The following TEP1 variants were observed in gnomAD, a reference collection of about 807,000 sequenced individuals.
TEP1 encodes the protein telomerase protein component 1.
A neutral mutation model predicts 306.3 loss-of-function variants in TEP1; 241 were observed. The ratio of observed to expected loss-of-function variants is 0.79; its 90% CI spans 0.71 to 0.88. TEP1 has a LOEUF of 0.88. Among genes scored for constraint, TEP1 ranks in the 40% least tolerant of loss-of-function variants. The pLI is 0.00. For synonymous variants in TEP1, 1,289 were observed against 1,305.5 expected, an observed-to-expected ratio of 0.99 and a Z score of 0.27; for missense variants, 3,051 against 3,276.1, an observed-to-expected ratio of 0.93 and a Z score of 1.68.
intron 1 of TEP1, 99 bp from the exon 2 acceptor site, chr14:20,408,562 G>T: frequency 2.1e-6 from 2 of 932,064 alleles, no homozygotes; most frequent in Non-Finnish European, 3.2e-6. Context: ...TAATGCCAAT[G>T]ATTTGTGGGT....
At position 20,385,004 on chromosome 14, in the gene TEP1, G is replaced by A. The variant is rs767272386; in HGVS notation, c.3088C>T (p.Arg1030Trp). The change falls in exon 21 of 55, where the codon CGG becomes TGG. Residue 1030 changes from arginine (R) to tryptophan (W), a missense_variant. By Grantham distance (101) the Arg-to-Trp change is moderately radical (BLOSUM62 -3). Transcript: ENST00000262715. Reference protein sequence around the residue: ...QPSAQALIYFRDSSFLSSVPD... With the variant: ...QPSAQALIYFWDSSFLSSVPD... ...CAGTACCTGAGGAAGCTGGAATCCC[G>A]GAAGTAGATGAGAGCTTGGGCAGAG... is the stretch of plus-strand genomic sequence containing the variant. The A allele has an allele frequency of 1.2e-5, 20 of 1,614,100 alleles. No individual in the cohort carries two copies. The highest frequency in any genetic ancestry group is 4.4e-5 in the South Asian group (4 of 91,086).
chr14:20,400,954 G>A (rs1321174466), intron 9 of TEP1, 30 bp downstream of exon 9: 1 of 1,606,824 alleles, frequency 6.2e-7, no homozygotes, highest in South Asian at 1.1e-5. Flanking sequence ...GGAAGAGAAG[G>A]AGGGAATGTG....
chr14:20,378,887 C>G (rs1885361322), intron 36 of TEP1, 34 bp from the exon 37 acceptor site: 1 of 1,613,648 alleles, frequency 6.2e-7, no homozygotes, highest in Non-Finnish European at 8.5e-7. Flanking sequence ...TCCTCTGGAC[C>G]CTGGCCATCA....
intron 4 of TEP1, 54 bp from the exon 5 acceptor site, chr14:20,404,826 T>G: frequency 6.5e-7 from 1 of 1,538,976 alleles, no homozygotes. Flanking sequence ...CGTAGCTTTC[T>G]GCCCTGAAAT....
chr14:20,400,301 T>C (rs1878567783), intron 9 of TEP1, among the ~76,000 whole-genome samples: 1 of 151,264 alleles, frequency 6.6e-6, no homozygotes, highest in Non-Finnish European at 1.5e-5. Context: ...TGGGTGCGTG[T>C]GTGTGTGTGT....
rs1432389322 is a variant in TEP1 at position 20,373,585 on chromosome 14, T to C, written c.6605-2A>G. ...GAAGCTCTGACCCAGGCTGTCCAGC[T>C]GATAAGACACAGAGACTGAGTCAGA... is the stretch of plus-strand genomic sequence containing the variant. On this transcript the variant is annotated splice_acceptor_variant, in intron 45 of 54. Transcript: ENST00000262715. LOFTEE classifies it high-confidence loss of function. 1.2e-6 allele frequency: 2 copies of C among 1,614,112 alleles called. No individual in the cohort carries two copies. The highest frequency in any genetic ancestry group is 2.2e-5 in the South Asian group (2 of 91,082).
chr14:20,401,696 A>G (rs1878771432), intron 7 of TEP1, 115 bp from the exon 8 acceptor site: 1 of 1,470,608 alleles, frequency 6.8e-7, no homozygotes, highest in Non-Finnish European at 9.2e-7. Flanking sequence ...TTCTTTCTTC[A>G]AAATAGATTT....
chr14:20,408,324 G>A lies in TEP1; in HGVS notation c.116C>T (p.Ser39Phe). 6.2e-7 allele frequency: 1 copy of A among 1,613,738 alleles called. No individual in the cohort carries two copies. Among genetic ancestry groups the A allele is most frequent in the Non-Finnish European group, 8.5e-7 (1 of 1,179,956 alleles). ...CAAGGAGAGGATATCTGAGTGGGTA[G>A]ATACATGCTGATGTAGTTTCTCCAA... ...QPLEKLHQHV[S>F]THSDILSLKN... Residue 39 changes from serine (S) to phenylalanine (F), a missense_variant, in exon 2 of 55, where the codon TCT becomes TTT. Physicochemically the swap from Ser to Phe is radical, Grantham distance 155 (BLOSUM62 -2). Around this residue, in one of 3 missense-constraint regions of TEP1, gnomAD observed 1,507 missense variants for 1,550.5 expected, o/e 0.97. Coordinates refer to ENST00000262715, the MANE Select transcript of TEP1 (RefSeq NM_007110.5).
intron 7 of TEP1, among the ~76,000 whole-genome samples, chr14:20,402,946 C>G (rs1187827255): frequency 1.3e-5 from 2 of 151,950 alleles, no homozygotes; most frequent in Non-Finnish European, 2.9e-5. Flanking sequence ...ATCACGAGGT[C>G]AGGAGTTCGA....
In TEP1 at chr14:20,381,037, G is replaced by A. The variant is rs146530626; in HGVS notation, c.4656C>T (p.Ser1552=). ...ACTTCGAAAGAAGTCCACGGTTCCC[G>A]CTCTGGAGCTGAGAAGGTCAGATTG... ...LGDLPYHLLQ[S]GNRGLLSKFL... is the part of the protein sequence containing the mutation. The change falls in exon 33 of 55, where the codon AGC becomes AGT. Residue 1552 remains serine (S), a synonymous_variant. Transcript: ENST00000262715. This position sits in a 1 kb window ranked among gnomAD's most constrained non-coding sequence, Gnocchi z 4.0. 9.6e-5 allele frequency: 155 copies of A among 1,613,716 alleles called. No homozygotes were observed. The highest frequency in any genetic ancestry group is 1.2e-4 in the Non-Finnish European group (144 of 1,179,744).
At position 20,384,714 on chromosome 14, in the gene TEP1, C is replaced by G; in HGVS notation, c.3108-1G>C. 1 of 1,609,394 alleles carries G rather than the reference C, an allele frequency of 6.2e-7. No individual in the cohort carries two copies. The highest frequency in any genetic ancestry group is 8.5e-7 in the Non-Finnish European group (1 of 1,179,862). ...AGATTTCCAGGCATCTGGCACAGAG[C>G]TGACCACCAAAGACCCCAAAAGTTG... On this transcript the variant is annotated splice_acceptor_variant, in intron 21 of 54. Transcript: ENST00000262715. LOFTEE classifies it high-confidence loss of function.
At chr14:20,396,835 C>G (rs1878245591) in intron 9 of TEP1, 105 bp from the exon 10 acceptor site, 1 of 732,550 alleles carries the variant, frequency 1.4e-6, no homozygotes, top group African/African-American at 1.8e-5. Flanking sequence ...AGAAGGATCA[C>G]TTGAGCCCAG....
chr14:20,368,416 T>C lies in TEP1; in HGVS notation c.*21A>G, dbSNP rs770562671. 1 of 1,613,190 alleles carries C rather than the reference T, an allele frequency of 6.2e-7. No homozygotes were observed. The highest frequency in any genetic ancestry group is 8.5e-7 in the Non-Finnish European group (1 of 1,179,200). ...TGCATCTCTAGCACAAGGGGTATCATTATTCCCGAGTGGCACATCTTCATT... is the reference window on the plus strand; with the variant it reads ...TGCATCTCTAGCACAAGGGGTATCACTATTCCCGAGTGGCACATCTTCATT... On this transcript the variant is annotated 3_prime_UTR_variant, in exon 55 of 55. Transcript: ENST00000262715.
chr14:20,396,062 G>C, intron 10 of TEP1, 113 bp from the exon 11 acceptor site: 1 of 647,556 alleles, frequency 1.5e-6, no homozygotes, highest in Non-Finnish European at 2.7e-6. Flanking sequence ...AATGAACTTA[G>C]ACAAGAGATA....
chr14:20,398,551 G>A (rs948229959), intron 9 of TEP1, among the ~76,000 whole-genome samples: 1 of 150,898 alleles, frequency 6.6e-6, no homozygotes, highest in African/African-American at 2.4e-5. Context: ...CCCTCAGATT[G>A]TGGATGCTCA....
intron 1 of TEP1, among the ~76,000 whole-genome samples, chr14:20,410,265 A>G (rs1449382335): frequency 6.6e-6 from 1 of 151,830 alleles, no homozygotes; most frequent in African/African-American, 2.4e-5. Flanking sequence ...CTTTGTTGAA[A>G]CCCTCTAATC....
At position 20,376,015 on chromosome 14, in the gene TEP1, C is replaced by T. The variant is rs936274044; in HGVS notation, c.6249+89G>A. On this transcript the variant is annotated intron_variant, in intron 42 of 54. Coordinates refer to ENST00000262715, the MANE Select transcript of TEP1 (RefSeq NM_007110.5). The stretch of plus-strand genomic sequence containing the variant: ...ATACTAGATTTGGCAAAACAAAAAG[C>T]AGGAGGAAGCAATGGGAAATGGGTT... The T allele has an allele frequency of 8.4e-6, 13 of 1,546,612 alleles. No homozygotes were observed. In the African/African-American group the frequency reaches 1.6e-4, roughly 20 times the overall value.
intron 12 of TEP1, 98 bp downstream of exon 12, chr14:20,395,352 C>A: frequency 7.7e-7 from 1 of 1,304,220 alleles, no homozygotes; most frequent in Non-Finnish European, 1.0e-6. Flanking sequence ...GACAAGCAAA[C>A]CTTTACAGAA....
chr14:20,396,991 G>A (rs112421104), intron 9 of TEP1, among the ~76,000 whole-genome samples: 1 of 152,200 alleles, frequency 6.6e-6, no homozygotes, highest in African/African-American at 2.4e-5. Flanking sequence ...TAGAGGAAGT[G>A]AGGAATTCAC....
Sources: gnomAD v4.1 joint callset for allele counts (sites outside exome capture counted in the v4.1 genomes callset) on GRCh38, gnomAD v4.1.1 for gene constraint, gnomAD v4.1.1 regional missense constraint, Gnocchi (gnomAD v3.1) non-coding constraint, MANE v1.5 for transcripts, NCBI Gene and HGNC (gene_info 2026-07-23, HGNC 2026-07-21) for gene names.